Variants in CNNM2 observed in about 807,000 individuals in gnomAD.
CNNM2 encodes cyclin and CBS domain divalent metal cation transport mediator 2.
A neutral mutation model predicts 66.9 loss-of-function variants in CNNM2; 12 were observed. That is an observed-to-expected ratio of 0.18 (90% CI 0.11 to 0.29). CNNM2 has a LOEUF of 0.29. Ranked by LOEUF, CNNM2 falls within the 10% of genes least tolerant of loss-of-function variation. The pLI, the probability that CNNM2 is intolerant of heterozygous loss-of-function variation, is 1.00. For missense variants in CNNM2, 705 were observed against 1,167.7 expected, an observed-to-expected ratio of 0.60 and a Z score of 5.77; for synonymous variants, 557 against 501.8, an observed-to-expected ratio of 1.11 and a Z score of -1.47.
At chr10:103,061,188 T>C (rs1417429203) in intron 4 of CNNM2, among the ~76,000 whole-genome samples, 1 of 151,398 alleles carries the variant, frequency 6.6e-6, no homozygotes, top group East Asian at 1.9e-4. Flanking sequence ...AGGTCAGGAG[T>C]TTGAGACCAG....
At chr10:103,022,676 G>C (rs1470729646) in intron 1 of CNNM2, among the ~76,000 whole-genome samples, 2 of 152,160 alleles carry the variant, frequency 1.3e-5, no homozygotes, top group Non-Finnish European at 2.9e-5. Context: ...GTTGATTCAT[G>C]TATTAGTCCA....
Position 102,982,317 on chromosome 10 carries a change from C to G in CNNM2, c.1621+62216C>G, listed in dbSNP as rs558841532. Among the ~76,000 whole-genome samples, 10 of 152,310 alleles carry G rather than the reference C, an allele frequency of 6.6e-5. No homozygotes were observed. In the South Asian group the frequency reaches 1.4e-3, roughly 22 times the overall value. Reference sequence around the variant, plus strand: ...TCTAGACCTTAAGCTCCACTGAAGACAGCAACCCAGTCCAGCATAGGGTTA... The same window carrying G: ...TCTAGACCTTAAGCTCCACTGAAGAGAGCAACCCAGTCCAGCATAGGGTTA... On this transcript the variant is annotated intron_variant, in intron 1 of 7. Coordinates refer to ENST00000369878, the MANE Select transcript of CNNM2 (RefSeq NM_017649.5).
intron 1 of CNNM2, among the ~76,000 whole-genome samples, chr10:102,996,198 T>C (rs972661220): frequency 6.6e-6 from 1 of 152,198 alleles, no homozygotes; most frequent in Non-Finnish European, 1.5e-5. Context: ...TTATCAATTT[T>C]ATTGATCTTT....
At chr10:102,951,850 C>T (rs1053658210) in intron 1 of CNNM2, among the ~76,000 whole-genome samples, 1 of 151,736 alleles carries the variant, frequency 6.6e-6, no homozygotes, top group African/African-American at 2.4e-5. Flanking sequence ...GTTGCCCAGG[C>T]TGGAGTGCAA....
chr10:102,997,742 G>T (rs754411036), intron 1 of CNNM2, among the ~76,000 whole-genome samples: 15 of 152,112 alleles, frequency 9.9e-5, no homozygotes, highest in Non-Finnish European at 1.8e-4. Context: ...AAAAATCAAT[G>T]TACAGGATAA....
In CNNM2 at chr10:103,088,070, A is replaced by G. The variant is rs1017714921; in HGVS notation, c.*10890A>G. 3.9e-5 allele frequency: 6 copies of G among 152,254 alleles called. No homozygotes were observed. The highest frequency in any genetic ancestry group is 1.2e-4 in the African/African-American group (5 of 41,458). The allele number at this position is 152,254 out of a possible 1,614,324, so 9.4% of individuals were successfully genotyped here. The stretch of plus-strand genomic sequence containing the variant: ...TTGAATATTTATTTCCTTTAAGAGA[A>G]TATCAAACTGATGTCACCAAATCTA... On this transcript the variant is annotated 3_prime_UTR_variant, in exon 8 of 8. Coordinates refer to ENST00000369878, the MANE Select transcript of CNNM2 (RefSeq NM_017649.5).
At chr10:102,978,161 G>A (rs1469654522) in intron 1 of CNNM2, among the ~76,000 whole-genome samples, 2 of 150,882 alleles carry the variant, frequency 1.3e-5, no homozygotes, top group Non-Finnish European at 2.9e-5. Context: ...CACCCGCCTC[G>A]GCCTCCCAAA....
chr10:102,935,639 C>T (rs1356132930), intron 1 of CNNM2, among the ~76,000 whole-genome samples: 2 of 136,450 alleles, frequency 1.5e-5, no homozygotes, highest in Admixed American at 1.6e-4. Flanking sequence ...CAGGGTCTTG[C>T]TCTATTGCCC....
At chr10:102,994,807 T>C (rs1304719675) in intron 1 of CNNM2, among the ~76,000 whole-genome samples, 1 of 152,268 alleles carries the variant, frequency 6.6e-6, no homozygotes, top group African/African-American at 2.4e-5. Flanking sequence ...CCTATGCCTG[T>C]TTGCAAAGTA....
At chr10:103,030,260 G>T (rs898512033) in intron 1 of CNNM2, among the ~76,000 whole-genome samples, 1 of 152,280 alleles carries the variant, frequency 6.6e-6, no homozygotes, top group African/African-American at 2.4e-5. Flanking sequence ...AGTTATGGAA[G>T]AATTTTAAGC....
At chr10:102,940,285 G>A (rs1439353340) in intron 1 of CNNM2, among the ~76,000 whole-genome samples, 1 of 151,468 alleles carries the variant, frequency 6.6e-6, no homozygotes, top group Admixed American at 6.6e-5. Flanking sequence ...AAACATAATT[G>A]ATCTGTTTTG....
chr10:103,022,352 T>A (rs754802684), intron 1 of CNNM2, among the ~76,000 whole-genome samples: 4 of 151,854 alleles, frequency 2.6e-5, no homozygotes, highest in Admixed American at 6.5e-5. Context: ...CCTATCATAC[T>A]TTTTTTCCTG....
chr10:102,928,727 A>G (rs535212325), intron 1 of CNNM2, among the ~76,000 whole-genome samples: 30 of 152,266 alleles, frequency 2.0e-4, no homozygotes, highest in Non-Finnish European at 4.0e-4. Flanking sequence ...GGCCTAAGCT[A>G]GTTCCCTCCA....
chr10:102,989,285 A>G (rs2063852819), intron 1 of CNNM2, among the ~76,000 whole-genome samples: 1 of 152,186 alleles, frequency 6.6e-6, no homozygotes, highest in Non-Finnish European at 1.5e-5. Flanking sequence ...CATTTTTGAG[A>G]CTTAACTAGT....
At chr10:102,979,768 TTAAAAATTGA>T (rs545351042) in intron 1 of CNNM2, among the ~76,000 whole-genome samples, 229 of 136,298 alleles carry the variant, frequency 1.7e-3, no homozygotes, top group African/African-American at 6.0e-3. Context: ...ACAAATGAGG[TTAAAAATTGA>T]TAAAAATTAC....
At chr10:103,027,804 A>T (rs1366762084) in intron 1 of CNNM2, among the ~76,000 whole-genome samples, 1 of 152,180 alleles carries the variant, frequency 6.6e-6, no homozygotes. Context: ...TCATTTATTG[A>T]GCACTTACTA....
At chr10:102,972,403 G>A (rs1169450254) in intron 1 of CNNM2, among the ~76,000 whole-genome samples, 7 of 152,164 alleles carry the variant, frequency 4.6e-5, no homozygotes, top group Non-Finnish European at 7.4e-5. Context: ...TTGGGAGGCC[G>A]AGGCAGGCGA....
chr10:103,067,972 CAG>C (rs894084774), intron 4 of CNNM2, among the ~76,000 whole-genome samples: 6 of 152,222 alleles, frequency 3.9e-5, no homozygotes. Flanking sequence ...GCTCGTGAGA[CAG>C]AGTGGGTTCT....
chr10:103,036,288 GT>G (rs1176132915), intron 1 of CNNM2, among the ~76,000 whole-genome samples: 2 of 152,188 alleles, frequency 1.3e-5, no homozygotes, highest in Non-Finnish European at 2.9e-5. Context: ...GTCTGAAGTT[GT>G]TTTCTATGGG....
Sources: gnomAD v4.1 joint callset for allele counts (sites outside exome capture counted in the v4.1 genomes callset) on GRCh38, gnomAD v4.1.1 for gene constraint, MANE v1.5 for transcripts, NCBI Gene and HGNC (gene_info 2026-07-23, HGNC 2026-07-21) for gene names.